The following TIAM1 variants were observed in gnomAD, a reference collection of about 807,000 sequenced individuals.
The protein encoded by TIAM1 is rho guanine nucleotide exchange factor TIAM1.
In TIAM1, 65 loss-of-function variants were observed where a neutral mutation model predicts 163.5. That is an observed-to-expected ratio of 0.40 (90% CI 0.33 to 0.49). The LOEUF (loss-of-function observed/expected upper bound fraction) is 0.49. Ranked by LOEUF, TIAM1 falls within the 20% of genes least tolerant of loss-of-function variation. The probability of loss-of-function intolerance (pLI) is 0.77; values close to 1 mark genes in which losing one functional copy is unlikely to be tolerated. For synonymous variants in TIAM1, 833 were observed against 810.1 expected, an observed-to-expected ratio of 1.03 and a Z score of -0.48; for missense variants, 1,789 against 2,044.7, an observed-to-expected ratio of 0.87 and a Z score of 2.41.
At chr21:31,223,892 T>C (rs1569059519) in intron 7 of TIAM1, among the ~76,000 whole-genome samples, 1 of 152,132 alleles carries the variant, frequency 6.6e-6, no homozygotes, top group Non-Finnish European at 1.5e-5. Context: ...ACTCCAGAAG[T>C]AAAAATGTAG....
chr21:31,244,654 G>A (rs1449571104), intron 6 of TIAM1, among the ~76,000 whole-genome samples: 1 of 152,228 alleles, frequency 6.6e-6, no homozygotes, highest in African/African-American at 2.4e-5. Flanking sequence ...GAACCTGGGA[G>A]GCAGAGATTG....
chr21:31,369,701 C>T (rs564267536), intron 2 of TIAM1, among the ~76,000 whole-genome samples: 2 of 152,112 alleles, frequency 1.3e-5, no homozygotes, highest in East Asian at 3.9e-4. Context: ...TATTACATGT[C>T]AACTAAAAAT....
intron 1 of TIAM1, among the ~76,000 whole-genome samples, chr21:31,470,059 A>G (rs1236645156): frequency 1.0e-4 from 15 of 146,336 alleles, no homozygotes; most frequent in Non-Finnish European, 1.5e-5. Context: ...GCTGGAGTGC[A>G]GTGGCGCGAT....
chr21:31,317,970 C>T (rs1028353739), intron 2 of TIAM1, among the ~76,000 whole-genome samples: 2 of 152,174 alleles, frequency 1.3e-5, no homozygotes, highest in Non-Finnish European at 2.9e-5. Flanking sequence ...AATGACCCAG[C>T]TCAACAGGAT....
intron 1 of TIAM1, among the ~76,000 whole-genome samples, chr21:31,499,873 C>CA (rs34314952): frequency 0.012 from 1,792 of 145,028 alleles, 38 homozygotes; most frequent in African/African-American, 0.042. Context: ...AAGAAGAAAA[C>CA]AAAAAAAAAA....
intron 14 of TIAM1, among the ~76,000 whole-genome samples, chr21:31,186,338 A>G (rs1015748157): frequency 4.6e-5 from 7 of 152,212 alleles, no homozygotes; most frequent in African/African-American, 1.4e-4. Context: ...GCAATAGCCA[A>G]TGTCAGCTTT....
intron 7 of TIAM1, among the ~76,000 whole-genome samples, chr21:31,223,987 G>T (rs2087779921): frequency 6.6e-6 from 1 of 152,202 alleles, no homozygotes; most frequent in Non-Finnish European, 1.5e-5. Context: ...AAGGCTAGAA[G>T]CAATGGACCA....
intron 2 of TIAM1, among the ~76,000 whole-genome samples, chr21:31,385,665 C>T (rs777696550): frequency 3.3e-5 from 5 of 150,480 alleles, no homozygotes; most frequent in Non-Finnish European, 7.4e-5. Context: ...ATATTCCTCA[C>T]CCAGTCTTGG....
chr21:31,262,324 C>A (rs1431164352), intron 4 of TIAM1, among the ~76,000 whole-genome samples: 1 of 152,220 alleles, frequency 6.6e-6, no homozygotes, highest in Non-Finnish European at 1.5e-5. Flanking sequence ...TGACACTAGG[C>A]AGCCCCCTCC....
intron 1 of TIAM1, among the ~76,000 whole-genome samples, chr21:31,556,535 G>GT (rs61076252): frequency 0.13 from 18,787 of 148,700 alleles, 2,004 homozygotes; most frequent in East Asian, 0.64. Context: ...AAAACAGGAA[G>GT]TTTTTTTTTT....
intron 2 of TIAM1, among the ~76,000 whole-genome samples, chr21:31,279,335 T>A (rs1226055464): frequency 6.6e-6 from 1 of 152,166 alleles, no homozygotes; most frequent in Non-Finnish European, 1.5e-5. Flanking sequence ...AAGGTCACAA[T>A]GTGCCAACAA....
intron 27 of TIAM1, among the ~76,000 whole-genome samples, chr21:31,123,634 T>C (rs954058636): frequency 2.6e-5 from 4 of 152,170 alleles, no homozygotes; most frequent in African/African-American, 7.2e-5. Flanking sequence ...CCCTCTTCAA[T>C]AGGTAGGATG....
At chr21:31,296,249 T>TA (rs1374201143) in intron 2 of TIAM1, among the ~76,000 whole-genome samples, 5 of 152,190 alleles carry the variant, frequency 3.3e-5, no homozygotes, top group Admixed American at 6.5e-5. Flanking sequence ...TATTTGGATA[T>TA]ACTTTTACCC....
chr21:31,394,611 G>A (rs1288304467), intron 2 of TIAM1, among the ~76,000 whole-genome samples: 1 of 151,646 alleles, frequency 6.6e-6, no homozygotes, highest in Admixed American at 6.6e-5. Flanking sequence ...GAGAGGAAGG[G>A]GCGTACAGGA....
chr21:31,273,336 T>A (rs1215911634), intron 3 of TIAM1, among the ~76,000 whole-genome samples: 1 of 152,050 alleles, frequency 6.6e-6, no homozygotes, highest in Non-Finnish European at 1.5e-5. Flanking sequence ...GAAAAGAACA[T>A]CCCATAATGG....
chr21:31,416,891 T>C (rs1333909894), intron 2 of TIAM1, among the ~76,000 whole-genome samples: 1 of 152,238 alleles, frequency 6.6e-6, no homozygotes, highest in African/African-American at 2.4e-5. Flanking sequence ...CAAGCAAAGA[T>C]CTTGGTGTGG....
intron 1 of TIAM1, among the ~76,000 whole-genome samples, chr21:31,509,722 G>C (rs1268416778): frequency 6.6e-6 from 1 of 152,094 alleles, no homozygotes; most frequent in Admixed American, 6.5e-5. Context: ...TCTCTAAAAG[G>C]GATAAAAGTC....
rs544200838 is a variant in TIAM1 at position 31,448,058 on chromosome 21, G to A, written c.-369+15925C>T. 5.3e-5 allele frequency among the ~76,000 whole-genome samples: 8 copies of A among 152,262 alleles called. No homozygotes were observed. The South Asian group carries it at 1.5e-3, about 28-fold the overall frequency. ...AGGCCTTCAACTGAAAGGAGAGGAG[G>A]AGAGACGAGGCCAATATCTTTCACT... On this transcript the variant is annotated intron_variant, in intron 2 of 28. Coordinates refer to the TIAM1 transcript ENST00000286827.
chr21:31,487,779 G>A lies in TIAM1; in HGVS notation c.-421-23744C>T, dbSNP rs553038857. Among the ~76,000 whole-genome samples, 20 of 150,686 alleles carry A rather than the reference G, an allele frequency of 1.3e-4. 1 individual carries two copies. The highest frequency in any genetic ancestry group is 2.1e-4 in the Non-Finnish European group (14 of 67,702). On this transcript the variant is annotated intron_variant, in intron 1 of 28. Coordinates refer to the TIAM1 transcript ENST00000286827. ...TCACCTTGTTAGCCAGGATGGTCTC[G>A]ATCTCCTGACCTCATGATCCACCCG...
Sources: gnomAD v4.1 joint callset for allele counts (sites outside exome capture counted in the v4.1 genomes callset) on GRCh38, gnomAD v4.1.1 for gene constraint, MANE v1.5 for transcripts, NCBI Gene and HGNC (gene_info 2026-07-23, HGNC 2026-07-21) for gene names.